The following DLEU7 variants were observed in gnomAD, a reference collection of about 807,000 sequenced individuals.
DLEU7 encodes the protein leukemia-associated protein 7.
In DLEU7, 17 loss-of-function variants were observed where a neutral mutation model predicts 16.0. The ratio of observed to expected loss-of-function variants is 1.06; its 90% CI spans 0.73 to 1.59. The LOEUF (loss-of-function observed/expected upper bound fraction) is 1.59, where lower values mean the gene tolerates loss of function less well. DLEU7 is among the 40% of genes most tolerant of loss of function. The pLI, the probability that DLEU7 is intolerant of heterozygous loss-of-function variation, is 0.00. For missense variants in DLEU7, 308 were observed against 314.9 expected (o/e 0.98, Z 0.17); for synonymous variants, 113 against 139.8 (o/e 0.81, Z 1.35).
intron 1 of DLEU7, among the ~76,000 whole-genome samples, chr13:50,767,009 C>A (rs1200080985): frequency 6.6e-6 from 1 of 152,206 alleles, no homozygotes; most frequent in African/African-American, 2.4e-5. Context: ...TTGCCCACTA[C>A]TTAGACGTTG....
Position 50,843,204 on chromosome 13 carries a change from A to G in DLEU7, c.443T>C (p.Phe148Ser). 1 of 1,593,628 alleles carries G rather than the reference A, an allele frequency of 6.3e-7. No homozygotes were observed. The highest frequency in any genetic ancestry group is 8.5e-7 in the Non-Finnish European group (1 of 1,170,936). The stretch of plus-strand genomic sequence containing the variant: ...CAGACTCACCTTCAGGTGAATGGGA[A>G]AGGACCGCTCCTGCTGGAGGGGCCC... ...LLGPLQQERSFPIHLKDSVEF... is the reference protein window; with the variant it reads ...LLGPLQQERSSPIHLKDSVEF... The change falls in exon 1 of 2, where the codon TTT (phenylalanine) becomes TCT (serine). Residue 148 changes from phenylalanine (F) to serine (S), a missense_variant. By Grantham distance (155) the Phe-to-Ser change is radical. Transcript: ENST00000504404. This position sits in a 1 kb window ranked among gnomAD's most constrained non-coding sequence, Gnocchi z 5.7.
intron 1 of DLEU7, among the ~76,000 whole-genome samples, chr13:50,790,674 A>G (rs1379212236): frequency 6.6e-6 from 1 of 152,100 alleles, no homozygotes; most frequent in Non-Finnish European, 1.5e-5. Flanking sequence ...GTGGGCGGAC[A>G]ACGTGCTGGC....
At chr13:50,801,080 AG>A (rs1158146268) in intron 1 of DLEU7, among the ~76,000 whole-genome samples, 2 of 152,146 alleles carry the variant, frequency 1.3e-5, no homozygotes, top group Non-Finnish European at 2.9e-5. Context: ...CTACAGAAAA[AG>A]TTGTTGTCTA....
intron 1 of DLEU7, among the ~76,000 whole-genome samples, chr13:50,801,118 G>C (rs1390110924): frequency 6.6e-6 from 1 of 152,160 alleles, no homozygotes; most frequent in African/African-American, 2.4e-5. Flanking sequence ...CTCTTGGGAA[G>C]CAACTTTAGC....
At chr13:50,772,404 C>T (rs1875345533) in intron 1 of DLEU7, among the ~76,000 whole-genome samples, 1 of 152,116 alleles carries the variant, frequency 6.6e-6, no homozygotes, top group South Asian at 2.1e-4. Flanking sequence ...TGGCTGATAC[C>T]AGTTGTTCCT....
intron 1 of DLEU7, among the ~76,000 whole-genome samples, chr13:50,716,319 T>C (rs1225024816): frequency 1.3e-5 from 2 of 152,234 alleles, no homozygotes; most frequent in African/African-American, 4.8e-5. Context: ...TTGAAATGTT[T>C]GGTTACAGCT....
chr13:50,742,796 G>A (rs1283655677), intron 1 of DLEU7, among the ~76,000 whole-genome samples: 6 of 152,316 alleles, frequency 3.9e-5, no homozygotes, highest in South Asian at 4.1e-4. Context: ...AAAGCAGCCA[G>A]AGACAGTACA....
At chr13:50,797,324 G>T (rs1876132493) in intron 1 of DLEU7, among the ~76,000 whole-genome samples, 1 of 152,186 alleles carries the variant, frequency 6.6e-6, no homozygotes, top group African/African-American at 2.4e-5. Context: ...CGACATAAGG[G>T]AGGAAACTCA....
chr13:50,839,704 A>G (rs1877585321), intron 1 of DLEU7, among the ~76,000 whole-genome samples: 1 of 152,238 alleles, frequency 6.6e-6, no homozygotes, highest in South Asian at 2.1e-4. Context: ...CACAGAGTTC[A>G]TGGATCATAT....
chr13:50,774,784 C>A (rs923697560), intron 1 of DLEU7, among the ~76,000 whole-genome samples: 13 of 151,842 alleles, frequency 8.6e-5, no homozygotes, highest in African/African-American at 1.2e-4. Flanking sequence ...AAAAAAAAAT[C>A]TCTTGCTCTC....
intron 1 of DLEU7, among the ~76,000 whole-genome samples, chr13:50,811,174 T>C (rs1054753686): frequency 1.3e-5 from 2 of 152,176 alleles, no homozygotes; most frequent in South Asian, 2.1e-4. Context: ...CTGACTTAAA[T>C]TGGCAAACTA....
chr13:50,748,673 G>GAATGTTT (rs1440724198), intron 1 of DLEU7, among the ~76,000 whole-genome samples: 1 of 152,084 alleles, frequency 6.6e-6, no homozygotes, highest in Non-Finnish European at 1.5e-5. Context: ...CTAAGAGTCT[G>GAATGTTT]AATGTTTTTG....
intron 1 of DLEU7, among the ~76,000 whole-genome samples, chr13:50,835,331 G>GCTC (rs1198720930): frequency 6.6e-6 from 1 of 152,196 alleles, no homozygotes; most frequent in African/African-American, 2.4e-5. Flanking sequence ...AGCTGTAGCT[G>GCTC]CTCCGGTGGG....
At chr13:50,737,910 G>GACCTC (rs779391527) in intron 1 of DLEU7, among the ~76,000 whole-genome samples, 21,587 of 152,064 alleles carry the variant, frequency 0.14, 2,007 homozygotes, top group African/African-American at 0.27. Context: ...AAAAGCTACA[G>GACCTC]TTGCACCAAA....
intron 1 of DLEU7, among the ~76,000 whole-genome samples, chr13:50,829,452 G>A (rs1877192819): frequency 6.6e-6 from 1 of 152,148 alleles, no homozygotes; most frequent in African/African-American, 2.4e-5. Context: ...GTATGCAAAG[G>A]AATTCATCAC....
chr13:50,777,210 T>C (rs1226607405), intron 1 of DLEU7, among the ~76,000 whole-genome samples: 1 of 152,200 alleles, frequency 6.6e-6, no homozygotes, highest in African/African-American at 2.4e-5. Flanking sequence ...GAGTGTCAAC[T>C]TGATCGGATT....
Position 50,843,367 on chromosome 13 carries a change from C to A in DLEU7, c.280G>T (p.Ala94Ser). Residue 94 changes from alanine to serine, a missense_variant, in exon 1 of 2, where the codon GCT (alanine) becomes TCT (serine). Physicochemically the swap from Ala to Ser is moderately conservative, Grantham distance 99. Coordinates refer to ENST00000504404, the MANE Select transcript of DLEU7 (RefSeq NM_001306135.2). This position sits in a 1 kb window ranked among gnomAD's most constrained non-coding sequence, Gnocchi z 5.7. ...NSPEEEVVRGAEGGAELLPFP... is the reference protein window; with the variant it reads ...NSPEEEVVRGSEGGAELLPFP... The stretch of plus-strand genomic sequence containing the variant: ...GGCAGCAACTCGGCGCCCCCCTCAG[C>A]GCCTCGCACTACCTCCTCCTCTGGG... 1.4e-6 allele frequency: 2 copies of A among 1,420,100 alleles called. No individual in the cohort carries two copies. The highest frequency in any genetic ancestry group is 1.8e-6 in the Non-Finnish European group (2 of 1,088,766). 88.0% of individuals were successfully genotyped at this position (1,420,100 alleles called of 1,614,324 possible).
At chr13:50,760,755 A>G (rs763709156) in intron 1 of DLEU7, among the ~76,000 whole-genome samples, 26 of 152,234 alleles carry the variant, frequency 1.7e-4, no homozygotes, top group Non-Finnish European at 2.6e-4. Context: ...TAAATTTAAG[A>G]AAATGTTCAT....
At chr13:50,783,679 A>AC (rs1875718100) in intron 1 of DLEU7, among the ~76,000 whole-genome samples, 1 of 152,212 alleles carries the variant, frequency 6.6e-6, no homozygotes, top group Non-Finnish European at 1.5e-5. Context: ...TCTCTGCCAC[A>AC]AACAGGTAGC....
Sources: allele counts gnomAD v4.1 joint callset (sites outside exome capture counted in the v4.1 genomes callset), GRCh38; gene constraint gnomAD v4.1.1; non-coding constraint Gnocchi (gnomAD v3.1); transcripts MANE v1.5; gene names NCBI Gene and HGNC (gene_info 2026-07-23, HGNC 2026-07-21).